ZNFX1: variants seen among roughly 807,000 people sequenced by gnomAD.
The protein encoded by ZNFX1 is NFX1-type zinc finger-containing protein 1.
ZNFX1 carries 78 observed loss-of-function variants against 179.8 expected under a neutral mutation model. The observed-to-expected ratio is 0.43, with a 90% CI of 0.36 to 0.52. ZNFX1 has a LOEUF of 0.52. Among genes scored for constraint, ZNFX1 ranks in the 20% least tolerant of loss-of-function variants. The probability of loss-of-function intolerance (pLI) is 0.00; values close to 1 mark genes in which losing one functional copy is unlikely to be tolerated. For synonymous variants in ZNFX1, 848 were observed against 868.5 expected (o/e 0.98, Z 0.42); for missense variants, 1,927 against 2,386.6 (o/e 0.81, Z 4.01).
rs900902685 is a variant in ZNFX1 at position 49,270,962 on chromosome 20, C to G, written c.850G>C (p.Gly284Arg). ...TCCGTTTCCTCTTCTATGTCAACAC[C>G]AGAGGCTCTCAGAGCATTAAGAGAG... Reference protein sequence around the residue: ...PTSLNALRASGVDIEEETEKN... With the variant: ...PTSLNALRASRVDIEEETEKN... Residue 284 changes from glycine (G) to arginine (R), a missense_variant, in exon 3 of 14, where the codon GGT (glycine) becomes CGT (arginine). By Grantham distance (125) the Gly-to-Arg change is moderately radical (BLOSUM62 -2). Coordinates refer to ENST00000396105, the MANE Select transcript of ZNFX1 (RefSeq NM_021035.3). The surrounding 1 kb of genome is among the most constrained non-coding windows in gnomAD (Gnocchi z 4.6). 6.2e-7 allele frequency: 1 copy of G among 1,614,014 alleles called. No individual in the cohort carries two copies. Among genetic ancestry groups the G allele is most frequent in the African/African-American group, 1.3e-5 (1 of 74,902 alleles).
chr20:49,255,916 T>C lies in ZNFX1; in HGVS notation c.2696A>G (p.Lys899Arg), dbSNP rs749205511. Reference protein sequence around the residue: ...TQRNQKKKMKKRVKDELRKLN... With the variant: ...TQRNQKKKMKRRVKDELRKLN... Reference sequence around the variant, plus strand: ...TTTGCGAAGCTCATCCTTCACTCTTTTTTTCATTTTCTTTTTCTGGTTGCG... The same window carrying C: ...TTTGCGAAGCTCATCCTTCACTCTTCTTTTCATTTTCTTTTTCTGGTTGCG... The change falls in exon 9 of 14, where the codon AAA becomes AGA. Residue 899 changes from lysine (K) to arginine (R), a missense_variant. Transcript: ENST00000396105. 25 of 1,614,186 alleles carry C rather than the reference T, an allele frequency of 1.5e-5. No individual in the cohort carries two copies. Among genetic ancestry groups the C allele is most frequent in the Non-Finnish European group, 2.1e-5 (25 of 1,180,038 alleles).
At chr20:49,254,465 C>A in intron 10 of ZNFX1, 30 bp downstream of exon 10, 1 of 1,610,126 alleles carries the variant, frequency 6.2e-7, no homozygotes, top group Non-Finnish European at 8.5e-7. Context: ...AACTTAGATG[C>A]AACAGGCAAA....
In ZNFX1 at chr20:49,248,195, T is replaced by A. The variant is rs759332908; in HGVS notation, c.4829A>T (p.Asp1610Val). The A allele has an allele frequency of 2.5e-6, 4 of 1,614,152 alleles. No homozygotes were observed. The highest frequency in any genetic ancestry group is 3.3e-4 in the Middle Eastern group (2 of 6,062). ...LDRYMNEQKD[D>V]EVAIRLKVCP... ...GACTTTCAATCTGATGGCGACTTCA[T>A]CATCCTTCTGTTCATTCATGTAGCG... Residue 1610 changes from aspartate (D) to valine (V), a missense_variant, in exon 14 of 14, where the codon GAT (aspartate) becomes GTT (valine). By Grantham distance (152) the Asp-to-Val change is radical. Coordinates refer to ENST00000396105, the MANE Select transcript of ZNFX1 (RefSeq NM_021035.3). This position sits in a 1 kb window ranked among gnomAD's most constrained non-coding sequence, Gnocchi z 4.6.
In ZNFX1 at chr20:49,266,223, G is replaced by C; in HGVS notation, c.1914C>G (p.Thr638=). Residue 638 remains threonine (T), a synonymous_variant, in exon 4 of 14, where the codon ACC becomes ACG. Transcript: ENST00000396105. ...VGLKIVQALL[T]NESVWQISLQ... is the part of the protein sequence containing the mutation. ...GGCTAATTTGCCAAACAGACTCGTT[G>C]GTTAGGAGGGCCTGAACAATTTTTA... 1 of 1,612,922 alleles carries C rather than the reference G, an allele frequency of 6.2e-7. No individual in the cohort carries two copies. The highest frequency in any genetic ancestry group is 8.5e-7 in the Non-Finnish European group (1 of 1,179,600).
chr20:49,270,780 T>C lies in ZNFX1; in HGVS notation c.1032A>G (p.Glu344=). The change falls in exon 3 of 14, where the codon GAA becomes GAG. Residue 344 remains glutamate, a synonymous_variant. Transcript: ENST00000396105. This position sits in a 1 kb window ranked among gnomAD's most constrained non-coding sequence, Gnocchi z 4.6. ...GGAAGGGCCTCTCATCCAAGTGCACTTCATTGTAGGTAGGGTAAATGGGCA... is the reference window on the plus strand; with the variant it reads ...GGAAGGGCCTCTCATCCAAGTGCACCTCATTGTAGGTAGGGTAAATGGGCA... The part of the protein sequence containing the change: ...RTMPIYPTYN[E]VHLDERPFLR... 13 of 1,614,168 alleles carry C rather than the reference T, an allele frequency of 8.1e-6. No individual in the cohort carries two copies. The highest frequency in any genetic ancestry group is 1.1e-5 in the Non-Finnish European group (13 of 1,180,024).
In ZNFX1 at chr20:49,270,485, G is replaced by C; in HGVS notation, c.1327C>G (p.Gln443Glu). The change falls in exon 3 of 14, where the codon CAG (glutamine) becomes GAG (glutamate). Residue 443 changes from glutamine (Q) to glutamate (E), a missense_variant. Gln to Glu is a conservative substitution (Grantham distance 29). Coordinates refer to ENST00000396105, the MANE Select transcript of ZNFX1 (RefSeq NM_021035.3). This position sits in a 1 kb window ranked among gnomAD's most constrained non-coding sequence, Gnocchi z 4.6. ...DTKPLKFVRW[Q>E]NSKRLLYGSL... ...CCATAGAGCAATCGTTTGGAATTCT[G>C]CCAGCGAACAAACTTCAGTGGTTTT... 1 of 1,614,222 alleles carries C rather than the reference G, an allele frequency of 6.2e-7. No homozygotes were observed. Among genetic ancestry groups the C allele is most frequent in the Middle Eastern group, 1.6e-4 (1 of 6,062 alleles).
At position 49,264,835 on chromosome 20, in the gene ZNFX1, C is replaced by A. The variant is rs1307915122; in HGVS notation, c.2032G>T (p.Val678Leu). ...GIYNCQKTSI[V>L]RVGGRSNSEI... ...CTGTTGCTCCTTCCACCCACCCGCA[C>A]AATGCTGGTCTTCTGACAATTGTAG... is the stretch of plus-strand genomic sequence containing the variant. Residue 678 changes from valine to leucine, a missense_variant, in exon 5 of 14, where the codon GTG becomes TTG. Transcript: ENST00000396105. 6.2e-7 allele frequency: 1 copy of A among 1,614,078 alleles called. No homozygotes were observed. Among genetic ancestry groups the A allele is most frequent in the Non-Finnish European group, 8.5e-7 (1 of 1,180,054 alleles).
At position 49,253,776 on chromosome 20, in the gene ZNFX1, C is replaced by G; in HGVS notation, c.2995G>C (p.Glu999Gln). ...AKYRQILQKV[E>Q]PRIVIVEEAA... Reference sequence around the variant, plus strand: ...TCTTCCACTATGACAATCCTCGGCTCCACCTTCTGTAGGATCTGGCGGTAT... The same window carrying G: ...TCTTCCACTATGACAATCCTCGGCTGCACCTTCTGTAGGATCTGGCGGTAT... The change falls in exon 11 of 14, where the codon GAG becomes CAG. Residue 999 changes from glutamate to glutamine, a missense_variant. Glu to Gln is a conservative substitution (Grantham distance 29). Transcript: ENST00000396105. The G allele has an allele frequency of 6.2e-7, 1 of 1,614,062 alleles. No individual in the cohort carries two copies. The highest frequency in any genetic ancestry group is 2.2e-5 in the East Asian group (1 of 44,892).
chr20:49,269,817 CTAAAA>C (rs1568986803), intron 3 of ZNFX1, 120 bp downstream of exon 3: 17 of 1,241,484 alleles, frequency 1.4e-5, no homozygotes, highest in African/African-American at 6.1e-5. Flanking sequence ...ACCCCTAAAC[CTAAAA>C]TAAAAGTTGG....
At chr20:49,264,380 G>T (rs997799200) in intron 5 of ZNFX1, among the ~76,000 whole-genome samples, 4 of 152,168 alleles carry the variant, frequency 2.6e-5, no homozygotes, top group African/African-American at 9.6e-5. Context: ...TTAGTAATAA[G>T]AACTCAGATT....
intron 10 of ZNFX1, 115 bp from the exon 11 acceptor site, chr20:49,253,926 C>T (rs954853787): frequency 7.8e-7 from 1 of 1,278,534 alleles, no homozygotes; most frequent in East Asian, 2.3e-5. Context: ...TCAGCGACAG[C>T]TGGTCCTTAT....
At chr20:49,260,759 C>T (rs758362333) in intron 6 of ZNFX1, among the ~76,000 whole-genome samples, 182 bp from the exon 7 acceptor site, 29 of 151,800 alleles carry the variant, frequency 1.9e-4, no homozygotes, top group Non-Finnish European at 2.4e-4. Context: ...CTGGGCAATA[C>T]GGTGAGACCC....
intron 2 of ZNFX1, among the ~76,000 whole-genome samples, chr20:49,273,672 G>C (rs969276589): frequency 7.9e-5 from 12 of 152,130 alleles, no homozygotes; most frequent in African/African-American, 2.9e-4. Flanking sequence ...GCTCATGCCT[G>C]TAATCCCAGC....
intron 3 of ZNFX1, 111 bp downstream of exon 3, chr20:49,269,831 G>T: frequency 7.5e-7 from 1 of 1,340,608 alleles, no homozygotes; most frequent in Non-Finnish European, 1.0e-6. Context: ...AATAAAAGTT[G>T]GAAAATAAAA....
rs766968006 is a variant in ZNFX1, at chr20:49,270,834, T to C, written c.978A>G (p.Ala326=). ...TTCGGTAGCTCTCAACATGGTCTTCTGCCTCAGGCTGCACTAGAGTGTAGG... is the reference window on the plus strand; with the variant it reads ...TTCGGTAGCTCTCAACATGGTCTTCCGCCTCAGGCTGCACTAGAGTGTAGG... ...VDTYTLVQPE[A]EDHVESYRTM... Residue 326 remains alanine (A), a synonymous_variant, in exon 3 of 14, where the codon GCA becomes GCG. Transcript: ENST00000396105. The surrounding 1 kb of genome is among the most constrained non-coding windows in gnomAD (Gnocchi z 4.6). 3 of 1,614,092 alleles carry C rather than the reference T, an allele frequency of 1.9e-6. No individual in the cohort carries two copies. The highest frequency in any genetic ancestry group is 2.5e-6 in the Non-Finnish European group (3 of 1,180,046).
chr20:49,257,621 A>G lies in ZNFX1; in HGVS notation c.2460T>C (p.Ser820=). ...CTTCCTCTGCGATCTCTATCAGCGA[A>G]CTCTCCTCCTCCCCTTCTTCCTCCT... ...GDEEEEGEEE[S]SLIEIAEEAD... The change falls in exon 8 of 14, where the codon AGT becomes AGC. Residue 820 remains serine, a synonymous_variant. Coordinates refer to ENST00000396105, the MANE Select transcript of ZNFX1 (RefSeq NM_021035.3). 4 of 1,611,586 alleles carry G rather than the reference A, an allele frequency of 2.5e-6. No homozygotes were observed. The highest frequency in any genetic ancestry group is 2.5e-6 in the Non-Finnish European group (3 of 1,179,546).
rs1402193346 is a variant in ZNFX1, at chr20:49,270,018, C to T, written c.1794G>A (p.Leu598=). The T allele has an allele frequency of 1.2e-6, 2 of 1,614,058 alleles. No individual in the cohort carries two copies. The highest frequency in any genetic ancestry group is 3.3e-5 in the Admixed American group (2 of 60,000). The change falls in exon 3 of 14, where the codon CTG becomes CTA. Residue 598 remains leucine, a synonymous_variant. Transcript: ENST00000396105. The surrounding 1 kb of genome is among the most constrained non-coding windows in gnomAD (Gnocchi z 4.6). The part of the protein sequence containing the change: ...GQWPSKEALK[L]DDSQMEALQF... ...GCAAGGCTTCCATCTGGGAGTCATCCAGCTTCAGGGCTTCTTTTGAGGGCC... is the reference window on the plus strand; with the variant it reads ...GCAAGGCTTCCATCTGGGAGTCATCTAGCTTCAGGGCTTCTTTTGAGGGCC...
Position 49,270,489 on chromosome 20 carries a change from G to C in ZNFX1, c.1323C>G (p.Arg441=). Residue 441 remains arginine, a synonymous_variant, in exon 3 of 14, where the codon CGC becomes CGG. Transcript: ENST00000396105. This position sits in a 1 kb window ranked among gnomAD's most constrained non-coding sequence, Gnocchi z 4.6. ...AGAGCAATCGTTTGGAATTCTGCCA[G>C]CGAACAAACTTCAGTGGTTTTGTGT... is the stretch of plus-strand genomic sequence containing the variant. ...QFDTKPLKFV[R]WQNSKRLLYG... The C allele has an allele frequency of 2.5e-6, 4 of 1,614,214 alleles. No individual in the cohort carries two copies. The highest frequency in any genetic ancestry group is 3.4e-6 in the Non-Finnish European group (4 of 1,180,028).
In ZNFX1 at chr20:49,253,694, T is replaced by C; in HGVS notation, c.3077A>G (p.His1026Arg). 6.2e-7 allele frequency: 1 copy of C among 1,614,100 alleles called. No individual in the cohort carries two copies. The highest frequency in any genetic ancestry group is 8.5e-7 in the Non-Finnish European group (1 of 1,180,006). Residue 1026 changes from histidine to arginine, a missense_variant, in exon 11 of 14, where the codon CAC becomes CGC. By Grantham distance (29) the His-to-Arg change is conservative (BLOSUM62 0). Transcript: ENST00000396105. ...CTGGTGGTCCCCAATCAAAATGAGG[T>C]GCTGGCAAGCTTTGCTCAATGTGGC... ...TIATLSKACQ[H>R]LILIGDHQQL...
Sources: allele counts gnomAD v4.1 joint callset (sites outside exome capture counted in the v4.1 genomes callset), GRCh38; gene constraint gnomAD v4.1.1; non-coding constraint Gnocchi (gnomAD v3.1); transcripts MANE v1.5; gene names NCBI Gene and HGNC (gene_info 2026-07-23, HGNC 2026-07-21).